Variants in NEK7 observed in about 807,000 individuals in gnomAD.
NEK7 encodes the protein NIMA related kinase 7, also known as serine/threonine-protein kinase Nek7.
Under a neutral mutation model 44.6 loss-of-function variants are expected in NEK7, and 18 were observed. The ratio of observed to expected loss-of-function variants is 0.40; its 90% CI spans 0.28 to 0.60. The LOEUF is 0.60. Among genes scored for constraint, NEK7 ranks in the 20% least tolerant of loss-of-function variants. The pLI, the probability that NEK7 is intolerant of heterozygous loss-of-function variation, is 0.38. For missense variants in NEK7, 256 were observed against 366.5 expected (o/e 0.70, Z 2.46); for synonymous variants, 130 against 121.1 (o/e 1.07, Z -0.48).
At chr1:198,223,546 A>G (rs1021605393) in intron 1 of NEK7, among the ~76,000 whole-genome samples, 7 of 152,214 alleles carry the variant, frequency 4.6e-5, no homozygotes, top group Admixed American at 2.6e-4. Flanking sequence ...GCATTTCTGC[A>G]GTTGTGCAGC....
At chr1:198,314,994 A>G (rs1220210518) in intron 9 of NEK7, among the ~76,000 whole-genome samples, 1 of 152,096 alleles carries the variant, frequency 6.6e-6, no homozygotes, top group Admixed American at 6.5e-5. Context: ...TTGTTTACCT[A>G]AGCACGCCTG....
intron 1 of NEK7, among the ~76,000 whole-genome samples, chr1:198,160,801 A>T (rs760411944): frequency 6.6e-6 from 1 of 152,204 alleles, no homozygotes; most frequent in Non-Finnish European, 1.5e-5. Flanking sequence ...AATTGATACA[A>T]TTCAATCTCA....
intron 1 of NEK7, among the ~76,000 whole-genome samples, chr1:198,210,914 G>T (rs1361372896): frequency 1.3e-5 from 2 of 151,140 alleles, no homozygotes; most frequent in Non-Finnish European, 3.0e-5. Flanking sequence ...CACTACGCCC[G>T]GCTAATTTTT....
At chr1:198,274,776 T>C (rs576789482) in intron 5 of NEK7, among the ~76,000 whole-genome samples, 1 of 151,856 alleles carries the variant, frequency 6.6e-6, no homozygotes, top group Admixed American at 6.6e-5. Flanking sequence ...CACTATATAA[T>C]TGGATTTGGT....
intron 1 of NEK7, among the ~76,000 whole-genome samples, chr1:198,209,368 C>A (rs1665699932): frequency 6.6e-6 from 1 of 151,898 alleles, no homozygotes; most frequent in Non-Finnish European, 1.5e-5. Context: ...TAGAATAATT[C>A]AGCAAATATT....
rs747593358 is a variant in NEK7, at chr1:198,278,988, T to A, written c.516T>A (p.Thr172=). The change falls in exon 7 of 10, where the codon ACT becomes ACA. Residue 172 remains threonine, a synonymous_variant. Transcript: ENST00000367385. The part of the protein sequence containing the change: ...IKPANVFITA[T]GVVKLGDLGL... ...CAGCTAATGTGTTCATTACAGCCAC[T>A]GGGGTGGTAAAACTTGGAGATCTTG... The A allele has an allele frequency of 2.7e-5, 43 of 1,610,342 alleles. No individual in the cohort carries two copies. In the East Asian group the frequency reaches 7.1e-4, roughly 27 times the overall value.
At chr1:198,285,193 G>A (rs1031862973) in intron 7 of NEK7, among the ~76,000 whole-genome samples, 11 of 152,010 alleles carry the variant, frequency 7.2e-5, no homozygotes, top group Admixed American at 7.2e-4. Flanking sequence ...TAAGTTTTAT[G>A]AGGACAGAGA....
intron 1 of NEK7, among the ~76,000 whole-genome samples, chr1:198,170,544 A>C (rs1664406101): frequency 6.6e-6 from 1 of 152,106 alleles, no homozygotes; most frequent in Non-Finnish European, 1.5e-5. Context: ...AGGGGTAGGA[A>C]CCTTTTTATT....
At chr1:198,187,051 A>G (rs923459756) in intron 1 of NEK7, among the ~76,000 whole-genome samples, 5 of 152,190 alleles carry the variant, frequency 3.3e-5, no homozygotes, top group African/African-American at 1.2e-4. Flanking sequence ...CAGAGTTTGC[A>G]CAGCCCCATT....
chr1:198,268,546 A>G (rs1382543289), intron 5 of NEK7, among the ~76,000 whole-genome samples: 4 of 152,006 alleles, frequency 2.6e-5, no homozygotes, highest in Admixed American at 6.6e-5. Flanking sequence ...TTGTCTCCCA[A>G]CATCCAGCAC....
chr1:198,204,245 G>A (rs1050842891), intron 1 of NEK7, among the ~76,000 whole-genome samples: 3 of 152,048 alleles, frequency 2.0e-5, no homozygotes, highest in African/African-American at 7.2e-5. Flanking sequence ...GTGTGACAGA[G>A]TAAGAGTCTG....
chr1:198,256,312 G>A, intron 3 of NEK7: 1 of 1,595,722 alleles, frequency 6.3e-7, no homozygotes, highest in Non-Finnish European at 8.5e-7. Flanking sequence ...GTTCAGCTCT[G>A]GCCATTTTCC....
intron 1 of NEK7, among the ~76,000 whole-genome samples, chr1:198,188,813 G>T (rs141139246): frequency 1.3e-5 from 2 of 152,156 alleles, no homozygotes; most frequent in African/African-American, 4.8e-5. Context: ...TTTATGTCGC[G>T]AAGTCATCCT....
chr1:198,175,308 A>AT (rs1215029056), intron 1 of NEK7, among the ~76,000 whole-genome samples: 1 of 152,056 alleles, frequency 6.6e-6, no homozygotes, highest in African/African-American at 2.4e-5. Flanking sequence ...TGTGTTTTTC[A>AT]TTTTTTGTGT....
In NEK7 at chr1:198,253,128, A is replaced by T. The variant is rs779405056; in HGVS notation, c.146A>T (p.Tyr49Phe). ...GGTCGCGGACAATTTAGTGAAGTTT[A>T]TAGAGCAGCCTGTCTCTTGGATGGA... ...KIGRGQFSEV[Y>F]RAACLLDGVP... Residue 49 changes from tyrosine (Y) to phenylalanine (F), a missense_variant, in exon 3 of 10, where the codon TAT (tyrosine) becomes TTT (phenylalanine). Physicochemically the swap from Tyr to Phe is conservative, Grantham distance 22. Transcript: ENST00000367385. 1 of 1,612,364 alleles carries T rather than the reference A, an allele frequency of 6.2e-7. No individual in the cohort carries two copies. The highest frequency in any genetic ancestry group is 1.3e-5 in the African/African-American group (1 of 74,868).
At chr1:198,195,689 G>C (rs1236021724) in intron 1 of NEK7, among the ~76,000 whole-genome samples, 1 of 152,112 alleles carries the variant, frequency 6.6e-6, no homozygotes, top group East Asian at 1.9e-4. Context: ...GCCAGGTGTG[G>C]TGGTGCACAT....
chr1:198,265,243 G>T (rs1475641497), intron 5 of NEK7, among the ~76,000 whole-genome samples: 1 of 152,050 alleles, frequency 6.6e-6, no homozygotes, highest in Non-Finnish European at 1.5e-5. Flanking sequence ...TAGCTGCAAG[G>T]AAGGCTGGAA....
chr1:198,262,019 C>T (rs893274172), intron 3 of NEK7, among the ~76,000 whole-genome samples: 6 of 151,842 alleles, frequency 4.0e-5, no homozygotes, highest in African/African-American at 1.4e-4. Flanking sequence ...AATGATATCA[C>T]CCTTGTCAAG....
rs1396750200 is a variant in NEK7 at position 198,253,034 on chromosome 1, T to A, written c.58-6T>A. The A allele has an allele frequency of 6.3e-7, 1 of 1,595,542 alleles. No homozygotes were observed. Among genetic ancestry groups the A allele is most frequent in the African/African-American group, 1.4e-5 (1 of 73,660 alleles). On this transcript the variant is annotated splice_region_variant and splice_polypyrimidine_tract_variant and intron_variant, in intron 2 of 9. Transcript: ENST00000367385. ...TTGAAAATTTTTCTGACATTTTTAA[T>A]TACAGAAGGCCTTACGACCGGATAT...
Sources: gnomAD v4.1 joint callset for allele counts (sites outside exome capture counted in the v4.1 genomes callset) on GRCh38, gnomAD v4.1.1 for gene constraint, MANE v1.5 for transcripts, NCBI Gene and HGNC (gene_info 2026-07-23, HGNC 2026-07-21) for gene names.